ATP8B4: variants seen among roughly 807,000 people sequenced by gnomAD.
The protein encoded by ATP8B4 is probable phospholipid-transporting ATPase IM.
Under a neutral mutation model 145.6 loss-of-function variants are expected in ATP8B4, and 133 were observed. The ratio of observed to expected loss-of-function variants is 0.91; its 90% CI spans 0.79 to 1.05. The LOEUF (loss-of-function observed/expected upper bound fraction) is 1.05, where lower values mean the gene tolerates loss of function less well. Among genes scored for constraint, ATP8B4 ranks in the 50% least tolerant of loss-of-function variants. The pLI is 0.00. For missense variants in ATP8B4, 1,458 were observed against 1,425.2 expected, an observed-to-expected ratio of 1.02 and a Z score of -0.37; for synonymous variants, 507 against 492.9, an observed-to-expected ratio of 1.03 and a Z score of -0.38.
chr15:50,049,917 T>C lies in ATP8B4; in HGVS notation c.88-2453A>G, dbSNP rs561868580. On this transcript the variant is annotated intron_variant, in intron 3 of 27. Coordinates refer to ENST00000284509, the MANE Select transcript of ATP8B4 (RefSeq NM_024837.4). ...CCTTTCTTTAATGATTAGTGGTATT[T>C]AGCATTTTTTCATATATTTGTTGGT... Among the ~76,000 whole-genome samples, 382 of 152,294 alleles carry C rather than the reference T, an allele frequency of 2.5e-3. 1 individual carries two copies. Among genetic ancestry groups the C allele is most frequent in the Admixed American group, 6.7e-3 (103 of 15,296 alleles).
rs573026860 is a variant in ATP8B4 at position 50,143,697 on chromosome 15, T to C, written c.-42-36689A>G. Among the ~76,000 whole-genome samples, 6 of 152,270 alleles carry C rather than the reference T, an allele frequency of 3.9e-5. No homozygotes were observed. In the East Asian group the frequency reaches 1.2e-3, roughly 29 times the overall value. On this transcript the variant is annotated intron_variant, in intron 1 of 3. Coordinates refer to the ATP8B4 transcript ENST00000558829. ...AGGTGCCACAGTAGTAAAGGGTGGCTTTGTGCAAATCACAAGTGTTCTATG... is the reference window on the plus strand; with the variant it reads ...AGGTGCCACAGTAGTAAAGGGTGGCCTTGTGCAAATCACAAGTGTTCTATG...
At chr15:50,099,741 T>TA (rs1007026297) in intron 2 of ATP8B4, among the ~76,000 whole-genome samples, 2 of 152,180 alleles carry the variant, frequency 1.3e-5, no homozygotes, top group African/African-American at 4.8e-5. Context: ...TTTTACATCT[T>TA]AAAGAATGCA....
chr15:50,031,760 T>C (rs2050460071), intron 6 of ATP8B4, among the ~76,000 whole-genome samples: 1 of 151,868 alleles, frequency 6.6e-6, no homozygotes, highest in Non-Finnish European at 1.5e-5. Context: ...ATAAATCTCT[T>C]GACCATAGGT....
chr15:50,101,901 C>G (rs1271875346), intron 2 of ATP8B4, among the ~76,000 whole-genome samples: 2 of 152,040 alleles, frequency 1.3e-5, no homozygotes, highest in Non-Finnish European at 2.9e-5. Context: ...CTCTCTTAAA[C>G]CACAGTGGAA....
intron 3 of ATP8B4, among the ~76,000 whole-genome samples, chr15:50,054,783 CAAAAAAAAAAAAAAAAAA>C (rs55783703): frequency 3.7e-5 from 3 of 81,838 alleles, no homozygotes; most frequent in African/African-American, 1.5e-4. Flanking sequence ...GACTCCGCCT[CAAAAAAAAAAAAAAAAAA>C]AAAAAAAACA....
At chr15:49,860,785 G>A (rs906614560) in intron 27 of ATP8B4, among the ~76,000 whole-genome samples, 4 of 151,994 alleles carry the variant, frequency 2.6e-5, no homozygotes, top group South Asian at 2.1e-4. Context: ...AACATGCACC[G>A]CCCAAAGTCA....
chr15:50,105,308 G>A (rs1432242161), intron 2 of ATP8B4, among the ~76,000 whole-genome samples: 3 of 150,302 alleles, frequency 2.0e-5, no homozygotes, highest in East Asian at 3.9e-4. Flanking sequence ...ATGAGGGCAC[G>A]TGTTTGTATA....
chr15:50,152,321 T>C (rs987857395), intron 1 of ATP8B4, among the ~76,000 whole-genome samples: 2 of 152,196 alleles, frequency 1.3e-5, no homozygotes, highest in African/African-American at 4.8e-5. Context: ...AATCAGCAAT[T>C]GGCAAGAAAA....
At chr15:50,085,980 A>ATATATATATATGAT (rs1567331562) in intron 2 of ATP8B4, among the ~76,000 whole-genome samples, 4 of 20,634 alleles carry the variant, frequency 1.9e-4, no homozygotes, top group African/African-American at 1.7e-3. Context: ...TGATATATCA[A>ATATATATATATGAT]ATATATCATA....
At chr15:49,891,987 G>T (rs1198080178) in intron 23 of ATP8B4, among the ~76,000 whole-genome samples, 2 of 151,914 alleles carry the variant, frequency 1.3e-5, no homozygotes, top group African/African-American at 2.4e-5. Context: ...ATGATGGCAC[G>T]TGCCTGTAGT....
chr15:50,096,435 A>G (rs2055992179), intron 2 of ATP8B4, among the ~76,000 whole-genome samples: 1 of 152,136 alleles, frequency 6.6e-6, no homozygotes, highest in African/African-American at 2.4e-5. Flanking sequence ...CAGCACACAA[A>G]CTTAGGAAGG....
At chr15:49,923,564 G>A (rs1034882517) in intron 16 of ATP8B4, 70 bp from the exon 17 acceptor site, 8 of 1,087,292 alleles carry the variant, frequency 7.4e-6, no homozygotes, top group African/African-American at 4.8e-5. Context: ...TTCTCCCAGA[G>A]CTCCAGCCTG....
intron 1 of ATP8B4, among the ~76,000 whole-genome samples, chr15:50,175,428 C>A (rs1048707138): frequency 2.0e-5 from 3 of 152,170 alleles, no homozygotes; most frequent in Admixed American, 6.5e-5. Context: ...CTACAACGAA[C>A]TCTAACCAGT....
At chr15:49,972,519 T>C (rs764493021) in intron 13 of ATP8B4, 63 bp downstream of exon 13, 453 of 1,503,806 alleles carry the variant, frequency 3.0e-4, no homozygotes, top group Non-Finnish European at 3.9e-4. Flanking sequence ...TTTTTTTTAA[T>C]GGGGTCAGTT....
intron 14 of ATP8B4, among the ~76,000 whole-genome samples, chr15:49,943,038 T>A (rs1282281297): frequency 6.6e-6 from 1 of 152,060 alleles, no homozygotes; most frequent in African/African-American, 2.4e-5. Flanking sequence ...AAAAAATTTT[T>A]AAAAACAAAT....
intron 6 of ATP8B4, among the ~76,000 whole-genome samples, chr15:50,030,176 A>G (rs2050325141): frequency 6.6e-6 from 1 of 152,022 alleles, no homozygotes; most frequent in Non-Finnish European, 1.5e-5. Context: ...TTTGTGGTTG[A>G]GGTTTGAGTT....
intron 1 of ATP8B4, among the ~76,000 whole-genome samples, chr15:50,173,433 T>G (rs2044716823): frequency 6.6e-6 from 1 of 152,054 alleles, no homozygotes; most frequent in Non-Finnish European, 1.5e-5. Context: ...CTGTGTCCAC[T>G]AAGGGTTAAA....
At chr15:50,084,450 T>A (rs1448939281) in intron 2 of ATP8B4, among the ~76,000 whole-genome samples, 1 of 152,092 alleles carries the variant, frequency 6.6e-6, no homozygotes, top group African/African-American at 2.4e-5. Flanking sequence ...CAAGCCACCA[T>A]CCTCGAGGCC....
intron 23 of ATP8B4, among the ~76,000 whole-genome samples, chr15:49,889,294 G>A (rs76216655): frequency 0.013 from 1,949 of 151,998 alleles, 25 homozygotes; most frequent in Non-Finnish European, 0.019. Flanking sequence ...GTAAAACGAG[G>A]GACTGGACTC....
Sources: gnomAD v4.1 joint callset for allele counts (sites outside exome capture counted in the v4.1 genomes callset) on GRCh38, gnomAD v4.1.1 for gene constraint, MANE v1.5 for transcripts, NCBI Gene and HGNC (gene_info 2026-07-23, HGNC 2026-07-21) for gene names.